Variants in OSTF1 observed in about 807,000 individuals in gnomAD.
The protein encoded by OSTF1 is osteoclast stimulating factor 1.
OSTF1 carries 27 observed loss-of-function variants against 37.2 expected under a neutral mutation model. The ratio of observed to expected loss-of-function variants is 0.73; its 90% CI spans 0.54 to 1.00. OSTF1 has a LOEUF of 1.00. Ranked by LOEUF, OSTF1 falls within the 50% of genes least tolerant of loss-of-function variation. The pLI is 0.00. For synonymous variants in OSTF1, 82 were observed against 89.2 expected (o/e 0.92, Z 0.46); for missense variants, 232 against 253.8 (o/e 0.91, Z 0.58).
intron 1 of OSTF1, among the ~76,000 whole-genome samples, chr9:75,106,100 AGGGGAAGTGGT>A (rs1217855893): frequency 2.0e-5 from 3 of 152,154 alleles, no homozygotes; most frequent in African/African-American, 7.2e-5. Context: ...TGGATTGGAT[AGGGGAAGTGGT>A]GGGGAAGAGG....
intron 1 of OSTF1, among the ~76,000 whole-genome samples, chr9:75,094,915 G>A (rs945485431): frequency 1.3e-5 from 2 of 152,160 alleles, no homozygotes; most frequent in African/African-American, 4.8e-5. Context: ...GCTTGGTGGT[G>A]CGTGTTTGTA....
intron 1 of OSTF1, among the ~76,000 whole-genome samples, chr9:75,097,671 C>T (rs1366252630): frequency 6.6e-6 from 1 of 152,046 alleles, no homozygotes; most frequent in Non-Finnish European, 1.5e-5. Flanking sequence ...ATCAACTTTA[C>T]ATTTTCCAAA....
intron 1 of OSTF1, among the ~76,000 whole-genome samples, chr9:75,105,598 G>A (rs1825269450): frequency 6.6e-6 from 1 of 151,896 alleles, no homozygotes; most frequent in Non-Finnish European, 1.5e-5. Context: ...CGAGCCTTTG[G>A]ACTGATCTTG....
At chr9:75,115,722 AT>A (rs1825477744) in intron 1 of OSTF1, among the ~76,000 whole-genome samples, 1 of 124,886 alleles carries the variant, frequency 8.0e-6, no homozygotes, top group African/African-American at 3.0e-5. Flanking sequence ...TAATTTACTT[AT>A]TTACAGCTGG....
At chr9:75,130,035 G>GA (rs1312881877) in intron 3 of OSTF1, among the ~76,000 whole-genome samples, 2 of 152,086 alleles carry the variant, frequency 1.3e-5, no homozygotes, top group Non-Finnish European at 2.9e-5. Flanking sequence ...TCCAGGAGGG[G>GA]AGGGACGTCA....
At chr9:75,137,068 A>G (rs1825854762) in intron 7 of OSTF1, among the ~76,000 whole-genome samples, 2 of 152,180 alleles carry the variant, frequency 1.3e-5, no homozygotes, top group African/African-American at 4.8e-5. Flanking sequence ...TTAATTTCTC[A>G]ACAAGTAAAT....
intron 1 of OSTF1, among the ~76,000 whole-genome samples, chr9:75,101,126 C>G (rs979114593): frequency 2.0e-4 from 30 of 152,186 alleles, no homozygotes; most frequent in African/African-American, 7.2e-4. Context: ...TTCTGCTTAG[C>G]CCCTCCTTCC....
Position 75,146,962 on chromosome 9 carries a change from G to T in OSTF1, c.*221G>T. On this transcript the variant is annotated 3_prime_UTR_variant, in exon 10 of 10. Coordinates refer to ENST00000346234, the MANE Select transcript of OSTF1 (RefSeq NM_012383.5). ...ATTTATGTTCACCAAAGTAGAACAA[G>T]AAGATATTATTTCTATTTATCAAGC... The T allele has an allele frequency of 1.0e-5, 3 of 292,478 alleles. No homozygotes were observed. Among genetic ancestry groups the T allele is most frequent in the Non-Finnish European group, 1.2e-5 (2 of 160,814 alleles). The allele number at this position is 292,478 out of a possible 1,614,324, so 18.1% of individuals were successfully genotyped here.
chr9:75,108,981 T>G (rs1191097519), intron 1 of OSTF1, among the ~76,000 whole-genome samples: 1 of 151,878 alleles, frequency 6.6e-6, no homozygotes, highest in Non-Finnish European at 1.5e-5. Flanking sequence ...GTAATAAGAG[T>G]GTAATTTTAA....
chr9:75,134,568 C>T (rs1825814480), intron 7 of OSTF1, among the ~76,000 whole-genome samples, 173 bp downstream of exon 7: 1 of 152,168 alleles, frequency 6.6e-6, no homozygotes, highest in African/African-American at 2.4e-5. Flanking sequence ...AAACCCACTC[C>T]TCCTCATATG....
intron 2 of OSTF1, among the ~76,000 whole-genome samples, chr9:75,123,046 G>A (rs1825605008): frequency 6.6e-6 from 1 of 152,216 alleles, no homozygotes; most frequent in Admixed American, 6.5e-5. Context: ...ACTCTTTGCT[G>A]TAACATCCCA....
chr9:75,095,127 C>T (rs1490905058), intron 1 of OSTF1, among the ~76,000 whole-genome samples: 2 of 152,152 alleles, frequency 1.3e-5, no homozygotes, highest in Non-Finnish European at 2.9e-5. Flanking sequence ...CTCATTTAAC[C>T]AGACCCTAAT....
chr9:75,120,351 G>A (rs1315165315), intron 2 of OSTF1, among the ~76,000 whole-genome samples: 1 of 152,068 alleles, frequency 6.6e-6, no homozygotes, highest in African/African-American at 2.4e-5. Flanking sequence ...GTCATTTTAT[G>A]CCTCTGCTTG....
intron 2 of OSTF1, among the ~76,000 whole-genome samples, chr9:75,122,895 C>T (rs1411686675): frequency 6.6e-6 from 1 of 152,112 alleles, no homozygotes; most frequent in Non-Finnish European, 1.5e-5. Flanking sequence ...TTCAGACTGA[C>T]AAATCTTAAA....
At chr9:75,090,165 A>G (rs1824939861) in intron 1 of OSTF1, among the ~76,000 whole-genome samples, 1 of 152,180 alleles carries the variant, frequency 6.6e-6, no homozygotes, top group Non-Finnish European at 1.5e-5. Flanking sequence ...ATAGCTAAAC[A>G]ATATTTTATT....
intron 1 of OSTF1, among the ~76,000 whole-genome samples, chr9:75,103,069 T>C (rs949717998): frequency 6.6e-6 from 1 of 152,244 alleles, no homozygotes; most frequent in African/African-American, 2.4e-5. Flanking sequence ...GGCTGATTGC[T>C]TGAGACCGGG....
chr9:75,106,165 G>T (rs974606518), intron 1 of OSTF1, among the ~76,000 whole-genome samples: 2 of 152,118 alleles, frequency 1.3e-5, no homozygotes, highest in African/African-American at 4.8e-5. Flanking sequence ...GTTCAGAGTT[G>T]TTGCTGTTAG....
intron 3 of OSTF1, among the ~76,000 whole-genome samples, 190 bp downstream of exon 3, chr9:75,127,809 G>A (rs534722389): frequency 1.3e-5 from 2 of 151,878 alleles, no homozygotes; most frequent in South Asian, 2.1e-4. Context: ...AGTTGAATAA[G>A]CTTTGGTCTA....
chr9:75,116,000 A>T (rs1206208352), intron 1 of OSTF1, among the ~76,000 whole-genome samples: 1 of 152,066 alleles, frequency 6.6e-6, no homozygotes, highest in Non-Finnish European at 1.5e-5. Context: ...GTCACTCTGG[A>T]GGCTGAGGCA....
Sources: gnomAD v4.1 joint callset for allele counts (sites outside exome capture counted in the v4.1 genomes callset) on GRCh38, gnomAD v4.1.1 for gene constraint, MANE v1.5 for transcripts, NCBI Gene and HGNC (gene_info 2026-07-23, HGNC 2026-07-21) for gene names.